OSBPL7: variants seen among roughly 807,000 people sequenced by gnomAD.
The protein encoded by OSBPL7 is oxysterol binding protein like 7.
Under a neutral mutation model 115.8 loss-of-function variants are expected in OSBPL7, and 66 were observed. The observed-to-expected ratio is 0.57, with a 90% CI of 0.47 to 0.70. OSBPL7 has a LOEUF of 0.70. OSBPL7 is among the 30% of genes least tolerant of loss of function. The pLI is 0.00. For missense variants in OSBPL7, 902 were observed against 1,125.5 expected (o/e 0.80, Z 2.84); for synonymous variants, 441 against 439.2 (o/e 1.00, Z -0.05).
In OSBPL7 at chr17:47,810,805, G is replaced by A; in HGVS notation, c.1768C>T (p.His590Tyr). Residue 590 changes from histidine to tyrosine, a missense_variant, in exon 17 of 23, where the codon CAT becomes TAT. His to Tyr is a moderately conservative substitution (Grantham distance 83). Coordinates refer to ENST00000007414, the MANE Select transcript of OSBPL7 (RefSeq NM_145798.3). ...VSHHPPISAC[H>Y]AESENFAFWQ... is the part of the protein sequence containing the mutation. ...AAGGCGAAGTTCTCAGACTCTGCAT[G>A]GCAGGCCGAGATAGGGGGGTGGTGG... 6.2e-7 allele frequency: 1 copy of A among 1,613,924 alleles called. No individual in the cohort carries two copies. Among genetic ancestry groups the A allele is most frequent in the Non-Finnish European group, 8.5e-7 (1 of 1,179,954 alleles).
In OSBPL7 at chr17:47,819,088, C is replaced by T. The variant is rs2033318791; in HGVS notation, c.267G>A (p.Gly89=). 1.2e-6 allele frequency: 2 copies of T among 1,613,926 alleles called. No homozygotes were observed. The highest frequency in any genetic ancestry group is 1.7e-6 in the Non-Finnish European group (2 of 1,179,884). The part of the protein sequence containing the change: ...YATTRQDITK[G]KLHGSIDVRL... ...GGACATCGATGGAGCCATGGAGCTT[C>T]CCCTTGGTGATCTGGGGGTGAAGTG... Residue 89 remains glycine, a synonymous_variant, in exon 5 of 23, where the codon GGG becomes GGA. Coordinates refer to ENST00000007414, the MANE Select transcript of OSBPL7 (RefSeq NM_145798.3).
chr17:47,813,609 A>G lies in OSBPL7; in HGVS notation c.1577T>C (p.Ile526Thr). The G allele has an allele frequency of 6.2e-7, 1 of 1,611,494 alleles. No individual in the cohort carries two copies. Among genetic ancestry groups the G allele is most frequent in the African/African-American group, 1.3e-5 (1 of 74,994 alleles). ...TACCATGCGCTCGCAGGGGTCGGCGATGCGGCTGGCCTGGTCCAGGAGGCT... is the reference window on the plus strand; with the variant it reads ...TACCATGCGCTCGCAGGGGTCGGCGGTGCGGCTGGCCTGGTCCAGGAGGCT... ...YSSLLDQASR[I>T]ADPCERMVYI... Residue 526 changes from isoleucine to threonine, a missense_variant, in exon 15 of 23, where the codon ATC (isoleucine) becomes ACC (threonine). Physicochemically the swap from Ile to Thr is moderately conservative, Grantham distance 89. This residue lies in a region of OSBPL7 where 667 missense variants were observed against 788.7 expected (regional missense o/e 0.85). Transcript: ENST00000007414.
chr17:47,816,040 G>A lies in OSBPL7; in HGVS notation c.1119+67C>T. ...AAACCAACTTTGCCCACTGCCCTGG[G>A]CCTTGGCTTTCGCTGGGAGAGAAGG... On this transcript the variant is annotated intron_variant, in intron 12 of 22. Coordinates refer to ENST00000007414, the MANE Select transcript of OSBPL7 (RefSeq NM_145798.3). This position sits in a 1 kb window ranked among gnomAD's most constrained non-coding sequence, Gnocchi z 5.8. The A allele has an allele frequency of 2.8e-6, 4 of 1,419,282 alleles. No homozygotes were observed. Among genetic ancestry groups the A allele is most frequent in the Non-Finnish European group, 3.8e-6 (4 of 1,049,990 alleles). The allele number at this position is 1,419,282 out of a possible 1,614,324, so 87.9% of individuals were successfully genotyped here.
intron 15 of OSBPL7, 51 bp downstream of exon 15, chr17:47,813,536 C>G: frequency 6.3e-7 from 1 of 1,588,572 alleles, no homozygotes; most frequent in Non-Finnish European, 8.6e-7. Flanking sequence ...GAAAAGATCC[C>G]AGGGAGAAGG....
At chr17:47,810,525 G>C (rs2033005459) in intron 18 of OSBPL7, 69 bp downstream of exon 18, 1 of 1,416,448 alleles carries the variant, frequency 7.1e-7, no homozygotes, top group East Asian at 2.3e-5. Context: ...TGTCCCTAAG[G>C]CCACGCCCCC....
Position 47,810,686 on chromosome 17 carries a change from A to G in OSBPL7, c.1802-14T>C. On this transcript the variant is annotated splice_polypyrimidine_tract_variant and intron_variant, in intron 17 of 22. Transcript: ENST00000007414. ...TCCACTTCATATCTGGAATTGGATT[A>G]GGGGAGGGAGAGTGAACAACAGAGA... 1 of 1,613,714 alleles carries G rather than the reference A, an allele frequency of 6.2e-7. No individual in the cohort carries two copies. Among genetic ancestry groups the G allele is most frequent in the Non-Finnish European group, 8.5e-7 (1 of 1,179,586 alleles).
intron 3 of OSBPL7, 40 bp downstream of exon 3, chr17:47,819,931 C>A (rs373068461): frequency 1.9e-6 from 3 of 1,573,754 alleles, no homozygotes; most frequent in African/African-American, 1.3e-5. Context: ...TCCCACCCCG[C>A]CCCCCATGTC....
At chr17:47,815,970 G>A in intron 12 of OSBPL7, 137 bp downstream of exon 12, 2 of 668,392 alleles carry the variant, frequency 3.0e-6, no homozygotes, top group Non-Finnish European at 5.1e-6. Flanking sequence ...TTACCTTATG[G>A]GAAAGACAAT....
chr17:47,821,509 T>C (rs768862230), intron 1 of OSBPL7, among the ~76,000 whole-genome samples, 157 bp downstream of exon 1: 7 of 152,080 alleles, frequency 4.6e-5, no homozygotes, highest in Non-Finnish European at 1.0e-4. Context: ...TCACTGCTTG[T>C]GGGTAGAGGG....
chr17:47,814,832 T>C (rs528858908), intron 13 of OSBPL7: 330 of 584,320 alleles, frequency 5.6e-4, no homozygotes, highest in South Asian at 1.9e-3. Flanking sequence ...GCCCTGTGGC[T>C]GGCGGGAAAA....
At position 47,813,408 on chromosome 17, in the gene OSBPL7, G is replaced by A. The variant is rs185721097; in HGVS notation, c.1600-5C>T. On this transcript the variant is annotated splice_region_variant and splice_polypyrimidine_tract_variant and intron_variant, in intron 15 of 22. Coordinates refer to ENST00000007414, the MANE Select transcript of OSBPL7 (RefSeq NM_145798.3). ...AGCAAAGGCTGCGATGTACACCTGT[G>A]GGGGGCAAGGAAGGTGCAGGGTACT... is the stretch of plus-strand genomic sequence containing the variant. The A allele has an allele frequency of 2.2e-5, 35 of 1,613,784 alleles. No individual in the cohort carries two copies. In the Admixed American group the frequency reaches 2.7e-4, roughly 12 times the overall value.
intron 3 of OSBPL7, 50 bp downstream of exon 3, chr17:47,819,918 CATT>C: frequency 1.3e-5 from 20 of 1,517,002 alleles, no homozygotes; most frequent in South Asian, 2.3e-5. Flanking sequence ...AGCTGCCCCC[CATT>C]CCCACCCCGC....
At chr17:47,819,417 C>T in intron 4 of OSBPL7, 1 of 565,568 alleles carries the variant, frequency 1.8e-6, no homozygotes, top group Admixed American at 3.1e-5. Flanking sequence ...TTCCTTGTTC[C>T]CAGCCTGAGA....
rs1375927303 is a variant in OSBPL7, at chr17:47,807,531, C to T, written c.*760G>A. The stretch of plus-strand genomic sequence containing the variant: ...CCTGCAAGCAGGGCACAGGCGCACA[C>T]GCATACACTCTCCTACATGAACTTA... On this transcript the variant is annotated 3_prime_UTR_variant, in exon 23 of 23. Coordinates refer to ENST00000007414, the MANE Select transcript of OSBPL7 (RefSeq NM_145798.3). 4 of 152,728 alleles carry T rather than the reference C, an allele frequency of 2.6e-5. No individual in the cohort carries two copies. Among genetic ancestry groups the T allele is most frequent in the Non-Finnish European group, 2.9e-5 (2 of 68,208 alleles). The allele number at this position is 152,728 out of a possible 1,614,324, so 9.5% of individuals were successfully genotyped here. A position where few individuals can be genotyped will look rare whatever the true frequency, so the allele number is the denominator to read the frequency against.
rs151069032 is a variant in OSBPL7, at chr17:47,820,435, C to T, written c.-87-70G>A. On this transcript the variant is annotated intron_variant, in intron 1 of 22. Transcript: ENST00000007414. ...CCTTCCCCACCTCCAGCCCCTCCCA[C>T]ACCCTCTGAGATAAGGGCTCCCCAA... The T allele has an allele frequency of 9.7e-4, 647 of 668,896 alleles. 5 individuals carry two copies. Among genetic ancestry groups the T allele is most frequent in the African/African-American group, 9.0e-3 (495 of 55,244 alleles). The allele number at this position is 668,896 out of a possible 1,614,324, so 41.4% of individuals were successfully genotyped here. A position where few individuals can be genotyped will look rare whatever the true frequency, so the allele number is the denominator to read the frequency against.
Position 47,812,637 on chromosome 17 carries a change from C to CG in OSBPL7, c.1737+628dup, listed in dbSNP as rs1169620602. Among the ~76,000 whole-genome samples the CG allele has an allele frequency of 2.6e-5, 4 of 152,336 alleles. 1 individual carries two copies. Among genetic ancestry groups the CG allele is most frequent in the Admixed American group, 2.6e-4 (4 of 15,306 alleles). ...ACGCTGCTGAGGACCAGCCCCTGTC[C>CG]GGGGCAGCACATAAACAGCTCTTGA... On this transcript the variant is annotated intron_variant, in intron 16 of 22. Transcript: ENST00000007414.
chr17:47,818,273 A>T lies in OSBPL7; in HGVS notation c.594T>A (p.Ser198=). ...LRDSDGLDRC[S]HELSECQGKL... ...GCTGCGCCTAGGGCCCCTCACCATG[A>T]GAGCAGCGGTCCAGCCCATCACTGT... Residue 198 remains serine, a synonymous_variant, in exon 7 of 23, where the codon TCT becomes TCA. Coordinates refer to ENST00000007414, the MANE Select transcript of OSBPL7 (RefSeq NM_145798.3). 1 of 1,612,768 alleles carries T rather than the reference A, an allele frequency of 6.2e-7. No individual in the cohort carries two copies. Among genetic ancestry groups the T allele is most frequent in the Non-Finnish European group, 8.5e-7 (1 of 1,179,360 alleles).
intron 12 of OSBPL7, 55 bp from the exon 13 acceptor site, chr17:47,815,407 G>C: frequency 6.2e-7 from 1 of 1,604,982 alleles, no homozygotes; most frequent in South Asian, 1.1e-5. Flanking sequence ...GGGGGATCAA[G>C]CAGGGCACCC....
intron 7 of OSBPL7, 140 bp downstream of exon 7, chr17:47,818,129 G>T: frequency 1.4e-6 from 1 of 714,560 alleles, no homozygotes; most frequent in Non-Finnish European, 2.3e-6. Flanking sequence ...CAGGGCCCAG[G>T]TAGACTGGAT....
Sources: gnomAD v4.1 joint callset for allele counts (sites outside exome capture counted in the v4.1 genomes callset) on GRCh38, gnomAD v4.1.1 for gene constraint, gnomAD v4.1.1 regional missense constraint, Gnocchi (gnomAD v3.1) non-coding constraint, MANE v1.5 for transcripts, NCBI Gene and HGNC (gene_info 2026-07-23, HGNC 2026-07-21) for gene names.